GRIK2: variants seen among roughly 807,000 people sequenced by gnomAD.
GRIK2 encodes the protein glutamate receptor ionotropic, kainate 2.
Under a neutral mutation model 100.3 loss-of-function variants are expected in GRIK2, and 32 were observed. That is an observed-to-expected ratio of 0.32 (90% CI 0.24 to 0.43). The LOEUF (loss-of-function observed/expected upper bound fraction) is 0.43, where lower values mean the gene tolerates loss of function less well. GRIK2 is among the 20% of genes least tolerant of loss of function. The pLI is 1.00. For synonymous variants in GRIK2, 417 were observed against 389.4 expected, an observed-to-expected ratio of 1.07 and a Z score of -0.83; for missense variants, 843 against 1,114.9, an observed-to-expected ratio of 0.76 and a Z score of 3.47.
At chr6:102,036,461 G>C (rs1206544340) in intron 15 of GRIK2, among the ~76,000 whole-genome samples, 1 of 151,300 alleles carries the variant, frequency 6.6e-6, no homozygotes, top group Non-Finnish European at 1.5e-5. Flanking sequence ...TCTTGAGATG[G>C]GGAGATTTTC....
chr6:101,883,622 C>T (rs534750345), intron 11 of GRIK2, among the ~76,000 whole-genome samples: 48 of 152,110 alleles, frequency 3.2e-4, no homozygotes, highest in African/African-American at 1.2e-3. Context: ...AATTGTCAGG[C>T]AAATGTGATA....
At chr6:101,848,010 A>G (rs900016476) in intron 10 of GRIK2, among the ~76,000 whole-genome samples, 4 of 152,098 alleles carry the variant, frequency 2.6e-5, no homozygotes, top group African/African-American at 9.7e-5. Flanking sequence ...AGATGAACCA[A>G]TGGCAAGTCC....
chr6:101,925,598 A>T (rs1460011988), intron 13 of GRIK2, among the ~76,000 whole-genome samples: 1 of 152,076 alleles, frequency 6.6e-6, no homozygotes, highest in African/African-American at 2.4e-5. Flanking sequence ...AAGTTTTAAA[A>T]TTAGTAAATA....
intron 2 of GRIK2, 40 bp from the exon 3 acceptor site, chr6:101,621,909 T>C (rs754120123): frequency 7.1e-7 from 1 of 1,403,982 alleles, no homozygotes; most frequent in Admixed American, 1.7e-5. Flanking sequence ...ATTATGTTTA[T>C]TCTTGTAAAA....
intron 2 of GRIK2, among the ~76,000 whole-genome samples, chr6:101,410,448 A>C (rs1775836465): frequency 6.6e-6 from 1 of 152,038 alleles, no homozygotes; most frequent in Non-Finnish European, 1.5e-5. Flanking sequence ...TTTAAGGTAG[A>C]ACAGATTTTG....
chr6:101,625,265 C>T (rs902409958), intron 3 of GRIK2, among the ~76,000 whole-genome samples: 6 of 151,660 alleles, frequency 4.0e-5, no homozygotes, highest in Admixed American at 1.3e-4. Context: ...CCCAGCTACT[C>T]GGGAGGCTGA....
chr6:101,909,612 G>C (rs993730598), intron 12 of GRIK2, among the ~76,000 whole-genome samples: 2 of 150,634 alleles, frequency 1.3e-5, no homozygotes, highest in African/African-American at 4.9e-5. Flanking sequence ...GATAAGTAAA[G>C]CTCCTCAAAT....
At chr6:101,469,339 C>G (rs1771828038) in intron 2 of GRIK2, among the ~76,000 whole-genome samples, 1 of 152,104 alleles carries the variant, frequency 6.6e-6, no homozygotes, top group Non-Finnish European at 1.5e-5. Context: ...TCCCACACTC[C>G]TTAATACAAG....
chr6:101,765,166 GT>G (rs1391368584), intron 7 of GRIK2, among the ~76,000 whole-genome samples: 3 of 152,058 alleles, frequency 2.0e-5, no homozygotes, highest in Non-Finnish European at 4.4e-5. Context: ...TTCAGTTAGT[GT>G]TTTTTGTATG....
chr6:101,947,578 AATGTG>A (rs1415206916), intron 14 of GRIK2, among the ~76,000 whole-genome samples: 9 of 152,280 alleles, frequency 5.9e-5, no homozygotes, highest in African/African-American at 2.2e-4. Context: ...AAGCTGAGAA[AATGTG>A]ATATAAGAGA....
intron 2 of GRIK2, among the ~76,000 whole-genome samples, chr6:101,464,080 T>C (rs991216572): frequency 7.2e-5 from 11 of 152,180 alleles, no homozygotes; most frequent in Non-Finnish European, 1.2e-4. Flanking sequence ...TACCCTCTAT[T>C]TTTGCTGCAT....
chr6:101,952,606 AT>A lies in GRIK2; in HGVS notation c.2085+23988del, dbSNP rs558786033. ...TTCAGAACTGCATAATCACCACAAT[AT>A]TTTTTTTTTTTTTGAGGCGGAGTCT... On this transcript the variant is annotated intron_variant, in intron 14 of 16. Coordinates refer to ENST00000369134, the MANE Select transcript of GRIK2 (RefSeq NM_021956.5). Among the ~76,000 whole-genome samples the A allele has an allele frequency of 4.7e-3, 680 of 144,502 alleles. 1 individual carries two copies. The highest frequency in any genetic ancestry group is 7.3e-3 in the African/African-American group (288 of 39,700). The allele number at this position is 144,502 out of a possible 152,430, so 94.8% of individuals were successfully genotyped here.
intron 12 of GRIK2, among the ~76,000 whole-genome samples, chr6:101,910,803 C>G (rs1409230781): frequency 7.0e-6 from 1 of 142,520 alleles, no homozygotes; most frequent in Non-Finnish European, 1.5e-5. Flanking sequence ...GTGACTATAA[C>G]TAAAGGGGGT....
At chr6:101,924,452 G>A (rs924912241) in intron 12 of GRIK2, 149 bp from the exon 13 acceptor site, 2 of 594,958 alleles carry the variant, frequency 3.4e-6, no homozygotes, top group Non-Finnish European at 3.1e-6. Context: ...AACACTTGCA[G>A]GCACGTATAT....
At chr6:101,594,459 CAT>C (rs1260140894) in intron 2 of GRIK2, among the ~76,000 whole-genome samples, 1 of 151,710 alleles carries the variant, frequency 6.6e-6, no homozygotes, top group Non-Finnish European at 1.5e-5. Context: ...ACACAAAAAG[CAT>C]AGTTTTTCAA....
chr6:101,564,008 T>C (rs1170652900), intron 2 of GRIK2, among the ~76,000 whole-genome samples: 1 of 152,206 alleles, frequency 6.6e-6, no homozygotes, highest in Non-Finnish European at 1.5e-5. Context: ...AGTAAACTAC[T>C]TCAGTATTTG....
At position 101,442,699 on chromosome 6, in the gene GRIK2, T is replaced by G. The variant is rs539516827; in HGVS notation, c.115+43307T>G. Among the ~76,000 whole-genome samples, 163 of 152,218 alleles carry G rather than the reference T, an allele frequency of 1.1e-3. 1 individual carries two copies. The highest frequency in any genetic ancestry group is 3.8e-3 in the African/African-American group (156 of 41,544). On this transcript the variant is annotated intron_variant, in intron 2 of 16. Transcript: ENST00000369134. ...ACCAGCTAGTAAATATTTACATGAT[T>G]TCTGTAGCAACTACTCAACCCTACC... is the stretch of plus-strand genomic sequence containing the variant.
At chr6:101,708,297 A>G (rs2128357354) in intron 7 of GRIK2, among the ~76,000 whole-genome samples, 1 of 151,882 alleles carries the variant, frequency 6.6e-6, no homozygotes, top group South Asian at 2.1e-4. Flanking sequence ...CCATTGTTTA[A>G]AGAAATGGAA....
chr6:101,664,600 T>C (rs2128335395), intron 4 of GRIK2, among the ~76,000 whole-genome samples: 1 of 152,354 alleles, frequency 6.6e-6, no homozygotes, highest in East Asian at 1.9e-4. Flanking sequence ...GCTTACTTTT[T>C]GATAATGGCA....
Sources: gnomAD v4.1 joint callset for allele counts (sites outside exome capture counted in the v4.1 genomes callset) on GRCh38, gnomAD v4.1.1 for gene constraint, MANE v1.5 for transcripts, NCBI Gene and HGNC (gene_info 2026-07-23, HGNC 2026-07-21) for gene names.